The following DHX9 variants were observed in gnomAD, a reference collection of about 807,000 sequenced individuals.
DHX9 encodes the protein DExH-box helicase 9, also known as ATP-dependent RNA helicase A.
A neutral mutation model predicts 148.7 loss-of-function variants in DHX9; 27 were observed. That is an observed-to-expected ratio of 0.18 (90% CI 0.13 to 0.25). The LOEUF is 0.25. Among genes scored for constraint, DHX9 ranks in the 10% least tolerant of loss-of-function variants. The pLI, the probability that DHX9 is intolerant of heterozygous loss-of-function variation, is 1.00. For synonymous variants in DHX9, 529 were observed against 516.6 expected, an observed-to-expected ratio of 1.02 and a Z score of -0.33; for missense variants, 796 against 1,559.6, an observed-to-expected ratio of 0.51 and a Z score of 8.25.
chr1:182,858,487 A>T, intron 8 of DHX9, 64 bp from the exon 9 acceptor site: 1 of 1,377,260 alleles, frequency 7.3e-7, no homozygotes, highest in South Asian at 1.3e-5. Flanking sequence ...TGTTGACTGT[A>T]TAGTCTTAGC....
At chr1:182,879,166 T>C in intron 20 of DHX9, 84 bp from the exon 21 acceptor site, 1 of 1,136,896 alleles carries the variant, frequency 8.8e-7, no homozygotes, top group East Asian at 2.6e-5. Context: ...CAGCTCTGTA[T>C]CCCTGATTAC....
intron 3 of DHX9, among the ~76,000 whole-genome samples, chr1:182,848,623 A>G (rs1351500039): frequency 1.3e-5 from 2 of 152,238 alleles, no homozygotes; most frequent in Admixed American, 6.5e-5. Flanking sequence ...AAAAAAAATT[A>G]TAACAACCCA....
At chr1:182,852,504 TA>T (rs1668173180) in intron 4 of DHX9, among the ~76,000 whole-genome samples, 160 bp downstream of exon 4, 1 of 152,252 alleles carries the variant, frequency 6.6e-6, no homozygotes, top group Non-Finnish European at 1.5e-5. Flanking sequence ...CCAGATCATT[TA>T]TTTTTTTCTT....
chr1:182,844,678 C>T (rs895953189), intron 3 of DHX9, among the ~76,000 whole-genome samples: 1 of 152,218 alleles, frequency 6.6e-6, no homozygotes, highest in Non-Finnish European at 1.5e-5. Flanking sequence ...GGATTACAGG[C>T]ACCTGCCAAC....
In DHX9 at chr1:182,869,975, A is replaced by G. The variant is rs547248884; in HGVS notation, c.1558-2362A>G. Among the ~76,000 whole-genome samples, 8 of 152,354 alleles carry G rather than the reference A, an allele frequency of 5.3e-5. 1 individual carries two copies. The highest frequency in any genetic ancestry group is 1.9e-4 in the African/African-American group (8 of 41,580). ...CACCTTACATAGAAAACCCAAGTGCACTTACAGACCAATTACTACAAATAA... is the reference window on the plus strand; with the variant it reads ...CACCTTACATAGAAAACCCAAGTGCGCTTACAGACCAATTACTACAAATAA... On this transcript the variant is annotated intron_variant, in intron 14 of 27. Transcript: ENST00000367549.
rs1648765076 is a variant in DHX9 at position 182,876,503 on chromosome 1, C to T, written c.2086C>T (p.Arg696Cys). ...TTCTCAGATTCCTCGAGAGGAACAG[C>T]GCAAAGTGTTTGATCCAGTACCAGT... ...LHSQIPREEQ[R>C]KVFDPVPVGV... Residue 696 changes from arginine to cysteine, a missense_variant, in exon 18 of 28, where the codon CGC (arginine) becomes TGC (cysteine). Around this residue, in one of 14 missense-constraint regions of DHX9, gnomAD observed 133 missense variants for 223.8 expected, o/e 0.59. Transcript: ENST00000367549. 6.2e-7 allele frequency: 1 copy of T among 1,612,732 alleles called. No individual in the cohort carries two copies. Among genetic ancestry groups the T allele is most frequent in the Non-Finnish European group, 8.5e-7 (1 of 1,179,766 alleles).
At chr1:182,884,328 A>G (rs781714675) in intron 26 of DHX9, among the ~76,000 whole-genome samples, 9 of 152,020 alleles carry the variant, frequency 5.9e-5, no homozygotes, top group African/African-American at 1.4e-4. Flanking sequence ...TGTTTATTAT[A>G]TATTGCATAT....
In DHX9 at chr1:182,878,132, T is replaced by C. The variant is rs1407816087; in HGVS notation, c.2310T>C (p.Pro770=). ...QRKGRAGRVR[P]GFCFHLCSRA... ...AAGGGCGAGCTGGCCGAGTACGGCC[T>C]GGATTCTGCTTTCACCTGTGCAGCC... is the stretch of plus-strand genomic sequence containing the variant. The change falls in exon 20 of 28, where the codon CCT becomes CCC. Residue 770 remains proline (P), a synonymous_variant. Coordinates refer to ENST00000367549, the MANE Select transcript of DHX9 (RefSeq NM_001357.5). 6 of 1,614,264 alleles carry C rather than the reference T, an allele frequency of 3.7e-6. No individual in the cohort carries two copies. Among genetic ancestry groups the C allele is most frequent in the Non-Finnish European group, 5.1e-6 (6 of 1,180,054 alleles).
intron 1 of DHX9, among the ~76,000 whole-genome samples, chr1:182,840,785 A>G: frequency 6.6e-6 from 1 of 152,194 alleles, no homozygotes; most frequent in East Asian, 1.9e-4. Flanking sequence ...TACAAGGGAT[A>G]GCTATGGAGA....
chr1:182,875,555 A>G (rs1335935106), intron 16 of DHX9, among the ~76,000 whole-genome samples: 1 of 152,216 alleles, frequency 6.6e-6, no homozygotes, highest in Non-Finnish European at 1.5e-5. Flanking sequence ...GAAATGGATT[A>G]TCTGGAAATA....
Position 182,881,035 on chromosome 1 carries a change from T to C in DHX9, c.2625-229T>C, listed in dbSNP as rs570427581. Among the ~76,000 whole-genome samples, 4 of 152,332 alleles carry C rather than the reference T, an allele frequency of 2.6e-5. No homozygotes were observed. In the South Asian group the frequency reaches 6.2e-4, roughly 24 times the overall value. On this transcript the variant is annotated intron_variant, in intron 22 of 27. Transcript: ENST00000367549. ...AAGAGAGAATATAAAAGGAAAAATA[T>C]ACTTGGTCATAATTTATGATAAATA...
intron 3 of DHX9, among the ~76,000 whole-genome samples, chr1:182,851,445 A>G (rs1173082706): frequency 6.6e-6 from 1 of 152,218 alleles, no homozygotes; most frequent in Non-Finnish European, 1.5e-5. Flanking sequence ...ACTATTGCAC[A>G]AAAAACAGCT....
At position 182,867,028 on chromosome 1, in the gene DHX9, T is replaced by C. The variant is rs1345571397; in HGVS notation, c.1542T>C (p.His514=). The C allele has an allele frequency of 3.1e-6, 5 of 1,601,686 alleles. No homozygotes were observed. The African/African-American group carries it at 6.7e-5, about 22-fold the overall frequency. The change falls in exon 14 of 28, where the codon CAT becomes CAC. Residue 514 remains histidine, a synonymous_variant. Coordinates refer to ENST00000367549, the MANE Select transcript of DHX9 (RefSeq NM_001357.5). ...GTCATGTAATTGTAGATGAAATACA[T>C]GAAAGAGATATTAATGTAAGTAACT... The part of the protein sequence containing the change: ...GISHVIVDEI[H]ERDINTDFLL...
chr1:182,859,976 T>C lies in DHX9; in HGVS notation c.1141-17T>C, dbSNP rs750164854. The C allele has an allele frequency of 2.6e-5, 41 of 1,597,384 alleles. 1 individual carries two copies. Among genetic ancestry groups the C allele is most frequent in the Non-Finnish European group, 3.4e-5 (40 of 1,172,596 alleles). On this transcript the variant is annotated splice_polypyrimidine_tract_variant and intron_variant, in intron 11 of 27. Coordinates refer to ENST00000367549, the MANE Select transcript of DHX9 (RefSeq NM_001357.5). ...TGTTGGTAGACATTTGACTGAAGTG[T>C]GACTTTTCTAATGCAGATCTTGCAG... is the stretch of plus-strand genomic sequence containing the variant.
chr1:182,869,114 A>G (rs1571313592), intron 14 of DHX9, among the ~76,000 whole-genome samples: 1 of 152,220 alleles, frequency 6.6e-6, no homozygotes, highest in South Asian at 2.1e-4. Context: ...AGTTTTGGTC[A>G]GCTTAAGCAA....
At position 182,859,109 on chromosome 1, in the gene DHX9, T is replaced by A. The variant is rs1474434369; in HGVS notation, c.1132T>A (p.Leu378Met). 11 of 1,613,860 alleles carry A rather than the reference T, an allele frequency of 6.8e-6. No homozygotes were observed. Among genetic ancestry groups the A allele is most frequent in the Non-Finnish European group, 8.5e-6 (10 of 1,179,784 alleles). The change falls in exon 11 of 28, where the codon TTG becomes ATG. Residue 378 changes from leucine (L) to methionine (M), a missense_variant. By Grantham distance (15) the Leu-to-Met change is conservative. This residue lies in a region of DHX9 where 42 missense variants were observed against 27.1 expected (regional missense o/e 1.55). Coordinates refer to ENST00000367549, the MANE Select transcript of DHX9 (RefSeq NM_001357.5). ...LMYQLEQDHD[L>M]QAILQERELL... ...GTACCAGTTGGAACAGGATCATGAT[T>A]TGCAAGCAGTAAGTCTGAATTATTT...
chr1:182,846,387 G>A (rs187703804), intron 3 of DHX9, among the ~76,000 whole-genome samples: 67 of 152,112 alleles, frequency 4.4e-4, no homozygotes, highest in African/African-American at 1.4e-3. Context: ...GGCATGTGCC[G>A]CCATGCCCGG....
intron 1 of DHX9, among the ~76,000 whole-genome samples, chr1:182,840,702 T>A (rs529836068): frequency 6.6e-6 from 1 of 152,338 alleles, no homozygotes; most frequent in South Asian, 2.1e-4. Flanking sequence ...TGTACAAGGT[T>A]ACTAAGGATT....
At chr1:182,864,784 C>T (rs1648216085) in intron 12 of DHX9, among the ~76,000 whole-genome samples, 1 of 152,150 alleles carries the variant, frequency 6.6e-6, no homozygotes, top group Admixed American at 6.5e-5. Context: ...TTTCTTAGCA[C>T]CTCCTGTATT....
Sources: allele counts gnomAD v4.1 joint callset (sites outside exome capture counted in the v4.1 genomes callset), GRCh38; gene constraint gnomAD v4.1.1; regional missense constraint gnomAD v4.1.1; transcripts MANE v1.5; gene names NCBI Gene and HGNC (gene_info 2026-07-23, HGNC 2026-07-21).